The following TCP11L2 variants were observed in gnomAD, a reference collection of about 807,000 sequenced individuals.
TCP11L2 encodes T-complex protein 11-like protein 2.
In TCP11L2, 39 loss-of-function variants were observed where a neutral mutation model predicts 50.7. The observed-to-expected ratio is 0.77, with a 90% CI of 0.60 to 1.01. TCP11L2 has a LOEUF of 1.01. TCP11L2 is among the 50% of genes least tolerant of loss of function. TCP11L2 has a pLI of 0.00. For missense variants in TCP11L2, 612 were observed against 614.7 expected (o/e 1.00, Z 0.05); for synonymous variants, 192 against 219.3 (o/e 0.88, Z 1.10).
intron 4 of TCP11L2, among the ~76,000 whole-genome samples, chr12:106,319,910 T>C (rs2035274024): frequency 6.6e-6 from 1 of 152,214 alleles, no homozygotes; most frequent in Non-Finnish European, 1.5e-5. Context: ...ATAATAAATA[T>C]TCTATATGTA....
chr12:106,336,317 G>A, intron 8 of TCP11L2, 104 bp downstream of exon 8: 2 of 1,058,982 alleles, frequency 1.9e-6, no homozygotes, highest in Non-Finnish European at 2.7e-6. Flanking sequence ...ATTCAGGACT[G>A]TGCTTTAGAG....
At chr12:106,299,714 TG>T (rs1274618275), upstream of TCP11L2, among the ~76,000 whole-genome samples, 3 of 152,308 alleles carry the variant, frequency 2.0e-5, no homozygotes, top group South Asian at 2.1e-4. Flanking sequence ...ACAAGATCAC[TG>T]GAAGTATTTA....
chr12:106,346,384 G>A lies in TCP11L2; in HGVS notation c.1414G>A (p.Glu472Lys), dbSNP rs2036233893. The A allele has an allele frequency of 6.2e-7, 1 of 1,614,040 alleles. No homozygotes were observed. The highest frequency in any genetic ancestry group is 1.1e-5 in the South Asian group (1 of 91,084). Residue 472 changes from glutamate to lysine, a missense_variant, in exon 10 of 10, where the codon GAG (glutamate) becomes AAG (lysine). Transcript: ENST00000299045. Reference protein sequence around the residue: ...MPGGLAVIQQELEALGSQYAN... With the variant: ...MPGGLAVIQQKLEALGSQYAN... ...AGGAGGCCTAGCTGTCATTCAGCAG[G>A]AGCTAGAAGCCCTAGGCTCTCAATA...
intron 6 of TCP11L2, among the ~76,000 whole-genome samples, chr12:106,335,152 T>C (rs1297160106): frequency 1.3e-5 from 2 of 152,198 alleles, no homozygotes; most frequent in Non-Finnish European, 2.9e-5. Context: ...ATAATTATAC[T>C]CTATTTTCTC....
intron 6 of TCP11L2, among the ~76,000 whole-genome samples, chr12:106,331,135 C>G (rs2035733667): frequency 6.6e-6 from 1 of 152,130 alleles, no homozygotes; most frequent in South Asian, 2.1e-4. Flanking sequence ...CTCACTGCTT[C>G]CTTCTCCCTT....
rs753633707 is a variant in TCP11L2 at position 106,329,236 on chromosome 12, C to A, written c.772+5590C>A. ...ACTGTGCTTATTTACCTTTAAATCC[C>A]CAGTACTTGGTACAATACCTGGGAC... is the stretch of plus-strand genomic sequence containing the variant. On this transcript the variant is annotated intron_variant, in intron 6 of 9. Coordinates refer to ENST00000299045, the MANE Select transcript of TCP11L2 (RefSeq NM_152772.3). 29 of 1,457,818 alleles carry A rather than the reference C, an allele frequency of 2.0e-5. No individual in the cohort carries two copies. The Admixed American group carries it at 2.4e-4, about 12-fold the overall frequency. 90.3% of individuals were successfully genotyped at this position (1,457,818 alleles called of 1,614,324 possible).
Position 106,318,468 on chromosome 12 carries a change from A to G in TCP11L2, c.414+4A>G, listed in dbSNP as rs781532449. On this transcript the variant is annotated splice_donor_region_variant and intron_variant, in intron 4 of 9. Coordinates refer to ENST00000299045, the MANE Select transcript of TCP11L2 (RefSeq NM_152772.3). ...ACTGTTTGAAGAAATCAGAGAGGCA[A>G]GTTGCTTTGTTGTCTGTGTCAGTTA... 3 of 1,613,338 alleles carry G rather than the reference A, an allele frequency of 1.9e-6. No homozygotes were observed. The highest frequency in any genetic ancestry group is 2.2e-5 in the East Asian group (1 of 44,868).
chr12:106,329,658 C>G, intron 6 of TCP11L2: 1 of 1,227,058 alleles, frequency 8.1e-7, no homozygotes, highest in Non-Finnish European at 1.0e-6. Context: ...TTGAGAACCA[C>G]TATGCCACAC....
chr12:106,314,338 G>A lies in TCP11L2; in HGVS notation c.158-20G>A, dbSNP rs764807313. The A allele has an allele frequency of 6.3e-7, 1 of 1,593,344 alleles. No individual in the cohort carries two copies. Among genetic ancestry groups the A allele is most frequent in the Non-Finnish European group, 8.6e-7 (1 of 1,164,276 alleles). On this transcript the variant is annotated intron_variant, in intron 2 of 9. Transcript: ENST00000299045. ...CAACTTTTCTTCTGCAACATTAACT[G>A]GCTTTTGTTTTTCTTTCAGCAACAA...
intron 6 of TCP11L2, among the ~76,000 whole-genome samples, chr12:106,334,863 C>T (rs1042807693): frequency 6.6e-6 from 1 of 152,184 alleles, no homozygotes; most frequent in South Asian, 2.1e-4. Context: ...ATCGCTTGAA[C>T]ATGGGAGGTG....
chr12:106,322,929 G>T (rs148651058), intron 5 of TCP11L2, among the ~76,000 whole-genome samples: 1 of 152,128 alleles, frequency 6.6e-6, no homozygotes, highest in Non-Finnish European at 1.5e-5. Context: ...TTTGTTGAGC[G>T]CCCACTGGGT....
chr12:106,341,031 C>T (rs371461095), intron 9 of TCP11L2, 33 bp downstream of exon 9: 26 of 1,569,240 alleles, frequency 1.7e-5, no homozygotes, highest in Non-Finnish European at 2.2e-5. Context: ...GCTTCAATTC[C>T]AATTTGCTTT....
intron 7 of TCP11L2, 55 bp downstream of exon 7, chr12:106,335,881 A>C: frequency 6.3e-7 from 1 of 1,581,954 alleles, no homozygotes; most frequent in East Asian, 2.2e-5. Flanking sequence ...CTTAAGTTCT[A>C]ACTTTGAATC....
At chr12:106,328,897 C>G (rs1186123363) in intron 6 of TCP11L2, among the ~76,000 whole-genome samples, 1 of 152,154 alleles carries the variant, frequency 6.6e-6, no homozygotes, top group Non-Finnish European at 1.5e-5. Flanking sequence ...TGAACACTCT[C>G]ACCACTCAGA....
chr12:106,321,645 C>T lies in TCP11L2; in HGVS notation c.574C>T (p.Pro192Ser). The T allele has an allele frequency of 1.9e-6, 3 of 1,614,122 alleles. 1 individual carries two copies. The highest frequency in any genetic ancestry group is 2.2e-5 in the South Asian group (2 of 91,080). ...CAGTACGATGGGAAAGCTGTGTGCT[C>T]CCGTGCGAGATAATGATATCAGAGA... ...VISTMGKLCA[P>S]VRDNDIRELK... The change falls in exon 5 of 10, where the codon CCC becomes TCC. Residue 192 changes from proline to serine, a missense_variant. Coordinates refer to ENST00000299045, the MANE Select transcript of TCP11L2 (RefSeq NM_152772.3).
chr12:106,322,503 C>T (rs941270563), intron 5 of TCP11L2, among the ~76,000 whole-genome samples: 36 of 152,202 alleles, frequency 2.4e-4, no homozygotes, highest in African/African-American at 8.4e-4. Flanking sequence ...CAGCCAGCCA[C>T]ATCTTCTGGA....
intron 5 of TCP11L2, among the ~76,000 whole-genome samples, chr12:106,322,082 G>A (rs966424677): frequency 6.6e-6 from 1 of 152,170 alleles, no homozygotes; most frequent in East Asian, 1.9e-4. Context: ...TTTAGTCAAG[G>A]CTTCTTTATT....
intron 8 of TCP11L2, among the ~76,000 whole-genome samples, chr12:106,337,906 T>C (rs2035971417): frequency 6.6e-6 from 1 of 152,190 alleles, no homozygotes; most frequent in Non-Finnish European, 1.5e-5. Context: ...TGTTTAAATT[T>C]TTTTCCTGTG....
In TCP11L2 at chr12:106,340,706, A is replaced by G. The variant is rs908863983; in HGVS notation, c.1143-120A>G. ...CTATTTTATGAGTTCATTCTAATAG[A>G]GGTTATTATTGTCTGTATAAGAGAA... On this transcript the variant is annotated intron_variant, in intron 8 of 9. Transcript: ENST00000299045. 7 of 721,964 alleles carry G rather than the reference A, an allele frequency of 9.7e-6. No individual in the cohort carries two copies. The African/African-American group carries it at 1.1e-4, about 11-fold the overall frequency. The allele number at this position is 721,964 out of a possible 1,614,324, so 44.7% of individuals were successfully genotyped here. A position where few individuals can be genotyped will look rare whatever the true frequency, so the allele number is the denominator to read the frequency against.
Sources: allele counts gnomAD v4.1 joint callset (sites outside exome capture counted in the v4.1 genomes callset), GRCh38; gene constraint gnomAD v4.1.1; transcripts MANE v1.5; gene names NCBI Gene and HGNC (gene_info 2026-07-23, HGNC 2026-07-21).